Variants in CACNA1E observed in about 807,000 individuals in gnomAD.
CACNA1E encodes the protein voltage-dependent R-type calcium channel subunit alpha-1E.
CACNA1E carries 40 observed loss-of-function variants against 259.2 expected under a neutral mutation model. The observed-to-expected ratio is 0.15, with a 90% CI of 0.12 to 0.20. The LOEUF (loss-of-function observed/expected upper bound fraction) is 0.20, where lower values mean the gene tolerates loss of function less well. Among genes scored for constraint, CACNA1E ranks in the 10% least tolerant of loss-of-function variants. The probability of loss-of-function intolerance (pLI) is 1.00; values close to 1 mark genes in which losing one functional copy is unlikely to be tolerated. For missense variants in CACNA1E, 1,874 were observed against 3,040.1 expected, an observed-to-expected ratio of 0.62 and a Z score of 9.02; for synonymous variants, 1,104 against 1,138.5, an observed-to-expected ratio of 0.97 and a Z score of 0.61.
intron 7 of CACNA1E, among the ~76,000 whole-genome samples, chr1:181,703,305 C>T (rs1401608705): frequency 6.6e-6 from 1 of 152,204 alleles, no homozygotes; most frequent in Non-Finnish European, 1.5e-5. Context: ...ATTTAATCCT[C>T]ACAACAACCT....
At chr1:181,781,588 G>A (rs1186699806) in intron 39 of CACNA1E, 65 bp downstream of exon 39, 1 of 859,672 alleles carries the variant, frequency 1.2e-6, no homozygotes, top group East Asian at 2.6e-5. Context: ...GTTGTGGGGA[G>A]GCCAGAACAT....
chr1:181,731,292 CATT>C, intron 19 of CACNA1E, 61 bp downstream of exon 19: 1 of 1,345,620 alleles, frequency 7.4e-7, no homozygotes, highest in Non-Finnish European at 1.1e-6. Context: ...GACAATGTGT[CATT>C]GTCCTTGCCA....
At chr1:181,718,210 T>G (rs1396370615) in intron 12 of CACNA1E, 43 bp downstream of exon 12, 1 of 984,858 alleles carries the variant, frequency 1.0e-6, no homozygotes, top group African/African-American at 1.6e-5. Flanking sequence ...TTCGTGTTGA[T>G]ATGCCCTGGT....
intron 7 of CACNA1E, among the ~76,000 whole-genome samples, chr1:181,669,867 C>T (rs889949629): frequency 7.2e-5 from 11 of 152,170 alleles, no homozygotes; most frequent in African/African-American, 1.9e-4. Flanking sequence ...ACTCCAAGAA[C>T]GTCTCCATTA....
chr1:181,475,633 G>A (rs1004327959), intron 2 of CACNA1E, among the ~76,000 whole-genome samples: 3 of 152,210 alleles, frequency 2.0e-5, no homozygotes, highest in African/African-American at 4.8e-5. Flanking sequence ...GGAAAGATAG[G>A]TTGAATTCTG....
chr1:181,394,275 T>C (rs1326732790), intron 1 of CACNA1E, among the ~76,000 whole-genome samples: 2 of 151,758 alleles, frequency 1.3e-5, no homozygotes, highest in African/African-American at 4.8e-5. Context: ...AAATGGGAGG[T>C]TTAAATAAGA....
intron 7 of CACNA1E, among the ~76,000 whole-genome samples, chr1:181,693,127 G>GT (rs1651347297): frequency 1.3e-4 from 2 of 15,626 alleles, no homozygotes; most frequent in East Asian, 2.4e-3. Flanking sequence ...GCTATCTAAA[G>GT]CAAAAAAAAA....
At chr1:181,674,636 G>C (rs921801069) in intron 7 of CACNA1E, among the ~76,000 whole-genome samples, 1 of 152,108 alleles carries the variant, frequency 6.6e-6, no homozygotes, top group African/African-American at 2.4e-5. Flanking sequence ...TGTTTTCTGG[G>C]CCAGTTATCT....
At chr1:181,604,333 G>C (rs565943187) in intron 6 of CACNA1E, among the ~76,000 whole-genome samples, 1 of 152,114 alleles carries the variant, frequency 6.6e-6, no homozygotes, top group African/African-American at 2.4e-5. Flanking sequence ...AGATATCCGG[G>C]TTCAATATAA....
chr1:181,515,817 A>G (rs1013685848), intron 3 of CACNA1E, among the ~76,000 whole-genome samples: 4 of 152,232 alleles, frequency 2.6e-5, no homozygotes, highest in East Asian at 3.8e-4. Context: ...ACTCATCTCT[A>G]TATGCCCAGT....
At chr1:181,411,359 C>T (rs1280225435) in intron 1 of CACNA1E, among the ~76,000 whole-genome samples, 1 of 152,212 alleles carries the variant, frequency 6.6e-6, no homozygotes, top group Non-Finnish European at 1.5e-5. Context: ...ACAGGGAAAA[C>T]ACCTCAATGG....
At chr1:181,677,174 GTA>G (rs373660489) in intron 7 of CACNA1E, among the ~76,000 whole-genome samples, 1 of 152,096 alleles carries the variant, frequency 6.6e-6, no homozygotes, top group African/African-American at 2.4e-5. Flanking sequence ...AAATTCTGGG[GTA>G]TACACTCAGG....
chr1:181,501,018 A>T (rs747948248), intron 1 of CACNA1E, among the ~76,000 whole-genome samples: 3 of 152,246 alleles, frequency 2.0e-5, no homozygotes, highest in Admixed American at 2.0e-4. Context: ...GCTCCAATTC[A>T]TCAGAGTGTC....
chr1:181,368,318 G>C (rs1654435404), intron 1 of CACNA1E, among the ~76,000 whole-genome samples: 1 of 150,762 alleles, frequency 6.6e-6, no homozygotes, highest in Admixed American at 6.6e-5. Context: ...AAATCTACCA[G>C]AATACCCAGA....
intron 6 of CACNA1E, among the ~76,000 whole-genome samples, chr1:181,590,756 G>A (rs1404623432): frequency 6.6e-6 from 1 of 152,046 alleles, no homozygotes; most frequent in Non-Finnish European, 1.5e-5. Context: ...CCTTGCAGGT[G>A]CTCCCACCCC....
chr1:181,483,931 T>C lies in CACNA1E; in HGVS notation c.187T>C (p.Phe63Leu), dbSNP rs1179049018. Residue 63 changes from phenylalanine to leucine, a missense_variant, in exon 1 of 48, where the codon TTC becomes CTC. Around this residue, in one of 14 missense-constraint regions of CACNA1E, gnomAD observed 110 missense variants for 122.8 expected, o/e 0.90. Transcript: ENST00000367573. ...YNPIPVRQNC[F>L]TVNRSLFIFG... Reference sequence around the variant, plus strand: ...CCCCATTCCCGTCCGGCAGAACTGTTTCACCGTCAACAGATCCCTGTTCAT... The same window carrying C: ...CCCCATTCCCGTCCGGCAGAACTGTCTCACCGTCAACAGATCCCTGTTCAT... The C allele has an allele frequency of 6.2e-7, 1 of 1,613,738 alleles. No homozygotes were observed. The highest frequency in any genetic ancestry group is 8.5e-7 in the Non-Finnish European group (1 of 1,179,796).
At chr1:181,559,194 T>C (rs1383909406) in intron 3 of CACNA1E, among the ~76,000 whole-genome samples, 1 of 152,116 alleles carries the variant, frequency 6.6e-6, no homozygotes, top group African/African-American at 2.4e-5. Flanking sequence ...GCAAGTGTAA[T>C]GAGAAGCTAG....
chr1:181,476,900 A>G (rs1010238346), intron 2 of CACNA1E, among the ~76,000 whole-genome samples: 4 of 152,136 alleles, frequency 2.6e-5, no homozygotes, highest in African/African-American at 9.7e-5. Flanking sequence ...AGGGAGGTAG[A>G]CAGTGATGGG....
rs74127853 is a variant in CACNA1E, at chr1:181,765,004, G to A, written c.4815+1473G>A. On this transcript the variant is annotated intron_variant, in intron 34 of 47. Transcript: ENST00000367573. ...GGTGAATTTGCCTCCAGGTGACACT[G>A]TGTTATAGATAGATGTTCCCTTTTC... 5.2e-3 allele frequency among the ~76,000 whole-genome samples: 791 copies of A among 152,306 alleles called. 10 individuals are homozygous for A. Among genetic ancestry groups the A allele is most frequent in the African/African-American group, 0.018 (737 of 41,550 alleles).
Sources: allele counts gnomAD v4.1 joint callset (sites outside exome capture counted in the v4.1 genomes callset), GRCh38; gene constraint gnomAD v4.1.1; regional missense constraint gnomAD v4.1.1; transcripts MANE v1.5; gene names NCBI Gene and HGNC (gene_info 2026-07-23, HGNC 2026-07-21).